NXPH2: variants seen among roughly 807,000 people sequenced by gnomAD.
NXPH2 encodes neurexophilin 2.
In NXPH2, 5 loss-of-function variants were observed where a neutral mutation model predicts 19.8. That is an observed-to-expected ratio of 0.25 (90% CI 0.13 to 0.53). NXPH2 has a LOEUF of 0.53. Among genes scored for constraint, NXPH2 ranks in the 20% least tolerant of loss-of-function variants. The pLI is 0.96. For missense variants in NXPH2, 289 were observed against 322.8 expected (o/e 0.90, Z 0.80); for synonymous variants, 154 against 127.4 (o/e 1.21, Z -1.41).
chr2:138,690,694 C>T (rs1418750377), intron 1 of NXPH2, among the ~76,000 whole-genome samples: 1 of 151,698 alleles, frequency 6.6e-6, no homozygotes, highest in Non-Finnish European at 1.5e-5. Flanking sequence ...CTTACAGTGT[C>T]CTGTAACATC....
chr2:138,732,998 T>A (rs11692663), intron 1 of NXPH2, among the ~76,000 whole-genome samples: 78,974 of 152,140 alleles, frequency 0.52, 21,202 homozygotes, highest in Non-Finnish European at 0.6. Flanking sequence ...CTGCTGTGAC[T>A]TCTTCCTCTT....
chr2:138,673,984 T>C (rs897231793), intron 1 of NXPH2, among the ~76,000 whole-genome samples: 7 of 151,946 alleles, frequency 4.6e-5, no homozygotes, highest in Non-Finnish European at 1.0e-4. Context: ...GTTCCTTGAA[T>C]ACTATTTATT....
intron 1 of NXPH2, among the ~76,000 whole-genome samples, chr2:138,733,355 G>C (rs1029696825): frequency 1.3e-5 from 2 of 152,204 alleles, no homozygotes; most frequent in Non-Finnish European, 2.9e-5. Context: ...AAAAACATCT[G>C]AATTTAAACA....
intron 1 of NXPH2, among the ~76,000 whole-genome samples, chr2:138,745,807 A>G (rs1384276832): frequency 2.0e-5 from 3 of 151,256 alleles, no homozygotes; most frequent in Non-Finnish European, 2.9e-5. Flanking sequence ...GAAAGAGAGG[A>G]ATTCAATTAT....
At chr2:138,671,885 A>G (rs1008807485) in intron 1 of NXPH2, among the ~76,000 whole-genome samples, 2 of 152,224 alleles carry the variant, frequency 1.3e-5, no homozygotes, top group African/African-American at 4.8e-5. Context: ...GAGGTTAAGA[A>G]CAAAGTATTT....
intron 1 of NXPH2, among the ~76,000 whole-genome samples, chr2:138,690,750 G>A (rs1573955504): frequency 6.6e-6 from 1 of 152,326 alleles, no homozygotes. Flanking sequence ...CAGGCACTAC[G>A]TTGGGCACTA....
At chr2:138,771,044 A>G (rs958507780) in intron 1 of NXPH2, among the ~76,000 whole-genome samples, 3 of 152,154 alleles carry the variant, frequency 2.0e-5, no homozygotes, top group Non-Finnish European at 2.9e-5. Context: ...GTAATACCTT[A>G]TATTGGTACA....
intron 1 of NXPH2, among the ~76,000 whole-genome samples, chr2:138,771,836 G>A (rs1036092502): frequency 2.6e-5 from 4 of 152,194 alleles, no homozygotes; most frequent in Non-Finnish European, 4.4e-5. Flanking sequence ...CTGTGGCTCT[G>A]AGTGCATTCT....
chr2:138,710,189 A>G (rs1681084216), intron 1 of NXPH2, among the ~76,000 whole-genome samples: 1 of 152,164 alleles, frequency 6.6e-6, no homozygotes, highest in Non-Finnish European at 1.5e-5. Context: ...TCTCACTTGT[A>G]TCACTTAGCA....
chr2:138,721,741 C>T (rs939443121), intron 1 of NXPH2, among the ~76,000 whole-genome samples: 1 of 152,184 alleles, frequency 6.6e-6, no homozygotes, highest in Non-Finnish European at 1.5e-5. Flanking sequence ...CTCAGCCTCG[C>T]TTTCTTACCT....
intron 1 of NXPH2, among the ~76,000 whole-genome samples, chr2:138,753,934 A>G (rs991524150): frequency 1.2e-4 from 18 of 152,142 alleles, no homozygotes; most frequent in Admixed American, 6.6e-4. Context: ...ATTCATATAT[A>G]CAATTACTTA....
rs964866072 is a variant in NXPH2, at chr2:138,713,252, C to A, written c.52-41587G>T. ...GATTTGGGTCTGACCTCCCTTGATTCAAGCACTGAACCTCAGCAGTCACAG... is the reference window on the plus strand; with the variant it reads ...GATTTGGGTCTGACCTCCCTTGATTAAAGCACTGAACCTCAGCAGTCACAG... On this transcript the variant is annotated intron_variant, in intron 1 of 1. Transcript: ENST00000272641. Among the ~76,000 whole-genome samples, 7 of 152,314 alleles carry A rather than the reference C, an allele frequency of 4.6e-5. 1 individual carries two copies. The South Asian group carries it at 1.5e-3, about 32-fold the overall frequency.
chr2:138,695,641 G>A (rs533185636), intron 1 of NXPH2, among the ~76,000 whole-genome samples: 1 of 152,028 alleles, frequency 6.6e-6, no homozygotes, highest in African/African-American at 2.4e-5. Context: ...GACTAGTGAG[G>A]TTAAAATGCA....
intron 1 of NXPH2, among the ~76,000 whole-genome samples, chr2:138,753,514 A>G (rs536309469): frequency 5.3e-4 from 81 of 152,312 alleles, no homozygotes; most frequent in African/African-American, 1.9e-3. Context: ...AGGCATGCTC[A>G]TTGCTACTGG....
chr2:138,710,250 T>C (rs1043375708), intron 1 of NXPH2, among the ~76,000 whole-genome samples: 13 of 152,226 alleles, frequency 8.5e-5, no homozygotes, highest in Non-Finnish European at 1.6e-4. Flanking sequence ...CTCCATTCCT[T>C]TTTACGGCTA....
intron 1 of NXPH2, among the ~76,000 whole-genome samples, chr2:138,755,748 G>A (rs1185462732): frequency 6.6e-6 from 1 of 152,048 alleles, no homozygotes; most frequent in Non-Finnish European, 1.5e-5. Context: ...TGACTCTGTT[G>A]ATCAAGTTAG....
At chr2:138,733,372 G>T (rs2105001222) in intron 1 of NXPH2, among the ~76,000 whole-genome samples, 1 of 152,340 alleles carries the variant, frequency 6.6e-6, no homozygotes, top group Admixed American at 6.5e-5. Context: ...AACAGGGGCT[G>T]AATGAAGATC....
At chr2:138,778,634 G>A (rs905023356) in intron 1 of NXPH2, among the ~76,000 whole-genome samples, 5 of 152,128 alleles carry the variant, frequency 3.3e-5, no homozygotes, top group African/African-American at 1.2e-4. Flanking sequence ...ATATTCTGAA[G>A]ACCCCACATA....
At chr2:138,688,175 G>A (rs556763652) in intron 1 of NXPH2, among the ~76,000 whole-genome samples, 1 of 152,292 alleles carries the variant, frequency 6.6e-6, no homozygotes, top group South Asian at 2.1e-4. Context: ...CCATGAGCAT[G>A]GAATGTTATT....
Sources: gnomAD v4.1 joint callset for allele counts (sites outside exome capture counted in the v4.1 genomes callset) on GRCh38, gnomAD v4.1.1 for gene constraint, MANE v1.5 for transcripts, NCBI Gene and HGNC (gene_info 2026-07-23, HGNC 2026-07-21) for gene names.